Variants in SOX18 observed in about 807,000 individuals in gnomAD.
The protein encoded by SOX18 is SRY-box transcription factor 18.
SOX18 carries 2 observed loss-of-function variants against 9.1 expected under a neutral mutation model. The observed-to-expected ratio is 0.22, with a 90% CI of 0.09 to 0.69. The LOEUF (loss-of-function observed/expected upper bound fraction) is 0.69, where lower values mean the gene tolerates loss of function less well. Among genes scored for constraint, SOX18 ranks in the 30% least tolerant of loss-of-function variants. The probability of loss-of-function intolerance (pLI) is 0.80; values close to 1 mark genes in which losing one functional copy is unlikely to be tolerated. For missense variants in SOX18, 542 were observed against 567.3 expected (o/e 0.96, Z 0.45); for synonymous variants, 292 against 280.5 (o/e 1.04, Z -0.41).
In SOX18 at chr20:64,048,361, G is replaced by C; in HGVS notation, c.960C>G (p.Ala320=). The C allele has an allele frequency of 6.3e-7, 1 of 1,584,416 alleles. No homozygotes were observed. Among genetic ancestry groups the C allele is most frequent in the Non-Finnish European group, 8.6e-7 (1 of 1,167,830 alleles). The change falls in exon 2 of 2, where the codon GCC becomes GCG. Residue 320 remains alanine (A), a synonymous_variant. Transcript: ENST00000340356. ...GGTCGAACTCGGTGAGGTCCACGTC[G>C]GCCCACAGATCGGCGGCGGGCCCCA... ...EPLGPAADLW[A]DVDLTEFDQY... is the part of the protein sequence containing the mutation.
intron 1 of SOX18, 72 bp downstream of exon 1, chr20:64,049,087 C>CA: frequency 5.5e-6 from 2 of 360,658 alleles, no homozygotes; most frequent in South Asian, 6.1e-5. Context: ...GGGACCCCTG[C>CA]CCCCCCCGCC....
Position 64,049,029 on chromosome 20 carries a change from C to T in SOX18, c.359-67G>A, listed in dbSNP as rs999911551. 4.7e-6 allele frequency: 7 copies of T among 1,480,752 alleles called. No individual in the cohort carries two copies. In the African/African-American group the frequency reaches 1.0e-4, roughly 22 times the overall value. 91.7% of individuals were successfully genotyped at this position (1,480,752 alleles called of 1,614,324 possible). A position where few individuals can be genotyped will look rare whatever the true frequency, so the allele number is the denominator to read the frequency against. ...GGTGGGCGCCGAGCCCTCCGTGCGC[C>T]CGGGACGCCCCGCGAGGGTTTGGCG... On this transcript the variant is annotated intron_variant, in intron 1 of 1. Coordinates refer to ENST00000340356, the MANE Select transcript of SOX18 (RefSeq NM_018419.3).
chr20:64,049,579 T>C lies in SOX18; in HGVS notation c.-63A>G. The C allele has an allele frequency of 3.0e-6, 3 of 989,060 alleles. No individual in the cohort carries two copies. Among genetic ancestry groups the C allele is most frequent in the Middle Eastern group, 4.8e-4 (1 of 2,104 alleles). 61.3% of individuals were successfully genotyped at this position (989,060 alleles called of 1,614,324 possible). A position where few individuals can be genotyped will look rare whatever the true frequency, so the allele number is the denominator to read the frequency against. ...AGCGCGGCGGGCGGGCGGCGGGCAC[T>C]GGGGAGCCGGGCGCAAGGGCAGGCC... On this transcript the variant is annotated 5_prime_UTR_variant, in exon 1 of 2. Coordinates refer to ENST00000340356, the MANE Select transcript of SOX18 (RefSeq NM_018419.3).
In SOX18 at chr20:64,048,357, C is replaced by G; in HGVS notation, c.964G>C (p.Val322Leu). ...TACTGGTCGAACTCGGTGAGGTCCACGTCGGCCCACAGATCGGCGGCGGGC... is the reference window on the plus strand; with the variant it reads ...TACTGGTCGAACTCGGTGAGGTCCAGGTCGGCCCACAGATCGGCGGCGGGC... ...LGPAADLWADVDLTEFDQYLN... is the reference protein window; with the variant it reads ...LGPAADLWADLDLTEFDQYLN... The change falls in exon 2 of 2, where the codon GTG becomes CTG. Residue 322 changes from valine (V) to leucine (L), a missense_variant. Transcript: ENST00000340356. 1.3e-6 allele frequency: 2 copies of G among 1,585,140 alleles called. No homozygotes were observed. The highest frequency in any genetic ancestry group is 1.7e-6 in the Non-Finnish European group (2 of 1,168,088).
Position 64,049,436 on chromosome 20 carries a change from C to T in SOX18, c.81G>A (p.Gly27=). 2.0e-6 allele frequency: 2 copies of T among 1,005,278 alleles called. No homozygotes were observed. Among genetic ancestry groups the T allele is most frequent in the South Asian group, 9.0e-5 (2 of 22,198 alleles). The allele number at this position is 1,005,278 out of a possible 1,614,324, so 62.3% of individuals were successfully genotyped here. A position where few individuals can be genotyped will look rare whatever the true frequency, so the allele number is the denominator to read the frequency against. Residue 27 remains glycine (G), a synonymous_variant, in exon 1 of 2, where the codon GGG becomes GGA. Coordinates refer to ENST00000340356, the MANE Select transcript of SOX18 (RefSeq NM_018419.3). The part of the protein sequence containing the change: ...RRDCAWAPGH[G]AAADTRGLAA... The stretch of plus-strand genomic sequence containing the variant: ...CGAGGCCGCGCGTGTCAGCGGCGGC[C>T]CCGTGTCCCGGGGCCCATGCACAGT...
chr20:64,049,327 G>A lies in SOX18; in HGVS notation c.190C>T (p.Pro64Ser). Residue 64 changes from proline (P) to serine (S), a missense_variant, in exon 1 of 2, where the codon CCG (proline) becomes TCG (serine). Pro to Ser is a moderately conservative substitution (Grantham distance 74). Coordinates refer to ENST00000340356, the MANE Select transcript of SOX18 (RefSeq NM_018419.3). ...GCCGGGCTGAGGCCATAGCGCCCCGGCTCGGGGCTGCGCGGGGGACTGCGC... is the reference window on the plus strand; with the variant it reads ...GCCGGGCTGAGGCCATAGCGCCCCGACTCGGGGCTGCGCGGGGGACTGCGC... ...PQRSPPRSPE[P>S]GRYGLSPAGR... The A allele has an allele frequency of 1.4e-6, 2 of 1,392,698 alleles. No individual in the cohort carries two copies. The highest frequency in any genetic ancestry group is 1.9e-6 in the Non-Finnish European group (2 of 1,057,084). 86.3% of individuals were successfully genotyped at this position (1,392,698 alleles called of 1,614,324 possible). A position where few individuals can be genotyped will look rare whatever the true frequency, so the allele number is the denominator to read the frequency against.
Position 64,048,111 on chromosome 20 carries a change from C to T in SOX18, c.*55G>A, listed in dbSNP as rs529828654. On this transcript the variant is annotated 3_prime_UTR_variant, in exon 2 of 2. Transcript: ENST00000340356. ...CAGAGCGGCAGCGACGCGGTCGGATCGGTCGCGGGGGCTGCGGGAGGAAGC... is the reference window on the plus strand; with the variant it reads ...CAGAGCGGCAGCGACGCGGTCGGATTGGTCGCGGGGGCTGCGGGAGGAAGC... The T allele has an allele frequency of 6.1e-6, 9 of 1,478,432 alleles. No homozygotes were observed. The highest frequency in any genetic ancestry group is 7.3e-6 in the Non-Finnish European group (8 of 1,096,852). The allele number at this position is 1,478,432 out of a possible 1,614,324, so 91.6% of individuals were successfully genotyped here.
Position 64,049,277 on chromosome 20 carries a change from T to C in SOX18, c.240A>G (p.Ala80=), listed in dbSNP as rs2145417934. 1.3e-6 allele frequency: 2 copies of C among 1,507,528 alleles called. No homozygotes were observed. Among genetic ancestry groups the C allele is most frequent in the Middle Eastern group, 2.0e-4 (1 of 5,122 alleles). The allele number at this position is 1,507,528 out of a possible 1,614,324, so 93.4% of individuals were successfully genotyped here. The change falls in exon 1 of 2, where the codon GCA becomes GCG. Residue 80 remains alanine (A), a synonymous_variant. Coordinates refer to ENST00000340356, the MANE Select transcript of SOX18 (RefSeq NM_018419.3). ...TGGGCCGCCGGATGCGCGACTCGTC[T>C]GCCGCCTGGCGTTCCCCGCGGCCGG... ...SPAGRGERQA[A]DESRIRRPMN... is the part of the protein sequence containing the mutation.
rs976296449 is a variant in SOX18, at chr20:64,049,438, C to T, written c.79G>A (p.Gly27Arg). Reference sequence around the variant, plus strand: ...AGGCCGCGCGTGTCAGCGGCGGCCCCGTGTCCCGGGGCCCATGCACAGTCG... The same window carrying T: ...AGGCCGCGCGTGTCAGCGGCGGCCCTGTGTCCCGGGGCCCATGCACAGTCG... ...RRDCAWAPGH[G>R]AAADTRGLAA... Residue 27 changes from glycine (G) to arginine (R), a missense_variant, in exon 1 of 2, where the codon GGG becomes AGG. Gly to Arg is a moderately radical substitution (Grantham distance 125). Transcript: ENST00000340356. 21 of 923,190 alleles carry T rather than the reference C, an allele frequency of 2.3e-5. No individual in the cohort carries two copies. The African/African-American group carries it at 3.9e-4, about 17-fold the overall frequency. 57.2% of individuals were successfully genotyped at this position (923,190 alleles called of 1,614,324 possible). A position where few individuals can be genotyped will look rare whatever the true frequency, so the allele number is the denominator to read the frequency against.
rs1435046749 is a variant in SOX18 at position 64,048,308 on chromosome 20, G to A, written c.1013C>T (p.Pro338Leu). ...DQYLNCSRTR[P>L]DAPGLPYHVA... The stretch of plus-strand genomic sequence containing the variant: ...GTGGTACGGGAGCCCGGGGGCGTCG[G>A]GCCGAGTCCGGCTGCAGTTGAGGTA... The change falls in exon 2 of 2, where the codon CCC (proline) becomes CTC (leucine). Residue 338 changes from proline (P) to leucine (L), a missense_variant. By Grantham distance (98) the Pro-to-Leu change is moderately conservative. Transcript: ENST00000340356. 1.9e-6 allele frequency: 3 copies of A among 1,592,522 alleles called. No individual in the cohort carries two copies. Among genetic ancestry groups the A allele is most frequent in the Non-Finnish European group, 2.6e-6 (3 of 1,171,242 alleles).
Position 64,049,140 on chromosome 20 carries a change from C to T in SOX18, c.358+19G>A, listed in dbSNP as rs746973655. 13 of 1,387,032 alleles carry T rather than the reference C, an allele frequency of 9.4e-6. No individual in the cohort carries two copies. Among genetic ancestry groups the T allele is most frequent in the East Asian group, 3.4e-5 (1 of 29,588 alleles). 85.9% of individuals were successfully genotyped at this position (1,387,032 alleles called of 1,614,324 possible). On this transcript the variant is annotated intron_variant, in intron 1 of 1. Coordinates refer to ENST00000340356, the MANE Select transcript of SOX18 (RefSeq NM_018419.3). ...CCCCCCGCCCTCTCCCCCTTCTCTG[C>T]CGCCCTCCCGCCGCTCACCCAGCAT... is the stretch of plus-strand genomic sequence containing the variant.
chr20:64,048,132 G>A lies in SOX18; in HGVS notation c.*34C>T, dbSNP rs749216922. 44 of 1,523,832 alleles carry A rather than the reference G, an allele frequency of 2.9e-5. No homozygotes were observed. The highest frequency in any genetic ancestry group is 3.0e-5 in the Non-Finnish European group (34 of 1,136,570). The allele number at this position is 1,523,832 out of a possible 1,614,324, so 94.4% of individuals were successfully genotyped here. On this transcript the variant is annotated 3_prime_UTR_variant, in exon 2 of 2. Coordinates refer to ENST00000340356, the MANE Select transcript of SOX18 (RefSeq NM_018419.3). Reference sequence around the variant, plus strand: ...GGATCGGTCGCGGGGGCTGCGGGAGGAAGCGCTGCAGGGACCCGGGCGGCG... The same window carrying A: ...GGATCGGTCGCGGGGGCTGCGGGAGAAAGCGCTGCAGGGACCCGGGCGGCG...
rs889011363 is a variant in SOX18 at position 64,048,604 on chromosome 20, G to A, written c.717C>T (p.Asp239=). The A allele has an allele frequency of 2.7e-5, 34 of 1,251,078 alleles. No homozygotes were observed. The highest frequency in any genetic ancestry group is 2.2e-4 in the Admixed American group (5 of 23,120). The allele number at this position is 1,251,078 out of a possible 1,614,324, so 77.5% of individuals were successfully genotyped here. ...GCGCGCGGAAGGGCCGCAGCGCGCA[G>A]TCCTCGGGCGCCGCGGGCGGTGGGA... ...AFFPPPAAPE[D]CALRPFRAPY... The change falls in exon 2 of 2, where the codon GAC becomes GAT. Residue 239 remains aspartate (D), a synonymous_variant. Transcript: ENST00000340356.
At position 64,048,321 on chromosome 20, in the gene SOX18, T is replaced by A. The variant is rs534838641; in HGVS notation, c.1000A>T (p.Ser334Cys). 3.4e-5 allele frequency: 54 copies of A among 1,592,608 alleles called. No individual in the cohort carries two copies. Among genetic ancestry groups the A allele is most frequent in the Non-Finnish European group, 4.5e-5 (53 of 1,171,414 alleles). ...CCGGGGGCGTCGGGCCGAGTCCGGCTGCAGTTGAGGTACTGGTCGAACTCG... is the reference window on the plus strand; with the variant it reads ...CCGGGGGCGTCGGGCCGAGTCCGGCAGCAGTTGAGGTACTGGTCGAACTCG... ...LTEFDQYLNC[S>C]RTRPDAPGLP... The change falls in exon 2 of 2, where the codon AGC (serine) becomes TGC (cysteine). Residue 334 changes from serine (S) to cysteine (C), a missense_variant. Physicochemically the swap from Ser to Cys is moderately radical, Grantham distance 112. Coordinates refer to ENST00000340356, the MANE Select transcript of SOX18 (RefSeq NM_018419.3).
In SOX18 at chr20:64,048,133, A is replaced by AAGCGCTGCAGGGACCCGGGCGGC. The variant is rs753801015; in HGVS notation, c.*10_*32dup. On this transcript the variant is annotated 3_prime_UTR_variant, in exon 2 of 2. Coordinates refer to ENST00000340356, the MANE Select transcript of SOX18 (RefSeq NM_018419.3). ...GATCGGTCGCGGGGGCTGCGGGAGG[A>AAGCGCTGCAGGGACCCGGGCGGC]AGCGCTGCAGGGACCCGGGCGGCGC... 3.9e-6 allele frequency: 6 copies of AAGCGCTGCAGGGACCCGGGCGGC among 1,525,056 alleles called. No individual in the cohort carries two copies. The South Asian group carries it at 7.2e-5, about 18-fold the overall frequency. The allele number at this position is 1,525,056 out of a possible 1,614,324, so 94.5% of individuals were successfully genotyped here.
At position 64,048,220 on chromosome 20, in the gene SOX18, G is replaced by T; in HGVS notation, c.1101C>A (p.Ser367=). Reference sequence around the variant, plus strand: ...CCGCGCTGCTGGCGTCCGACAGCGCGGAGATCAGGCTGCTCTCCTCTGGGC... The same window carrying T: ...CCGCGCTGCTGGCGTCCGACAGCGCTGAGATCAGGCTGCTCTCCTCTGGGC... ...MSCPEESSLI[S]ALSDASSAVY... is the part of the protein sequence containing the mutation. The change falls in exon 2 of 2, where the codon TCC becomes TCA. Residue 367 remains serine (S), a synonymous_variant. Coordinates refer to ENST00000340356, the MANE Select transcript of SOX18 (RefSeq NM_018419.3). The T allele has an allele frequency of 6.3e-7, 1 of 1,584,412 alleles. No individual in the cohort carries two copies.
At position 64,047,880 on chromosome 20, in the gene SOX18, C is replaced by CA; in HGVS notation, c.*285_*286insT. 1 of 517,846 alleles carries CA rather than the reference C, an allele frequency of 1.9e-6. No homozygotes were observed. The highest frequency in any genetic ancestry group is 3.4e-6 in the Non-Finnish European group (1 of 291,780). 32.1% of individuals were successfully genotyped at this position (517,846 alleles called of 1,614,324 possible). On this transcript the variant is annotated 3_prime_UTR_variant, in exon 2 of 2. Coordinates refer to ENST00000340356, the MANE Select transcript of SOX18 (RefSeq NM_018419.3). ...TGCTTCAAAAATGTAACCCTGGCAA[C>CA]TCTGCCAACAGGTCCTGGGCTCGGG... is the stretch of plus-strand genomic sequence containing the variant.
In SOX18 at chr20:64,048,222, A is replaced by G; in HGVS notation, c.1099T>C (p.Ser367Pro). The G allele has an allele frequency of 6.3e-7, 1 of 1,585,832 alleles. No homozygotes were observed. The highest frequency in any genetic ancestry group is 2.3e-5 in the East Asian group (1 of 43,658). Residue 367 changes from serine to proline, a missense_variant, in exon 2 of 2, where the codon TCC becomes CCC. Transcript: ENST00000340356. ...GCGCTGCTGGCGTCCGACAGCGCGG[A>G]GATCAGGCTGCTCTCCTCTGGGCAG... ...MSCPEESSLI[S>P]ALSDASSAVY...
Position 64,049,253 on chromosome 20 carries a change from G to C in SOX18, c.264C>G (p.Pro88=). 1 of 1,529,330 alleles carries C rather than the reference G, an allele frequency of 6.5e-7. No homozygotes were observed. The highest frequency in any genetic ancestry group is 1.8e-4 in the Middle Eastern group (1 of 5,450). The allele number at this position is 1,529,330 out of a possible 1,614,324, so 94.7% of individuals were successfully genotyped here. Residue 88 remains proline, a synonymous_variant, in exon 1 of 2, where the codon CCC becomes CCG. Coordinates refer to ENST00000340356, the MANE Select transcript of SOX18 (RefSeq NM_018419.3). ...TTGCCCACACCATGAAGGCGTTCAT[G>C]GGCCGCCGGATGCGCGACTCGTCTG... The part of the protein sequence containing the change: ...QAADESRIRR[P]MNAFMVWAKD...
Sources: allele counts gnomAD v4.1 joint callset, GRCh38; gene constraint gnomAD v4.1.1; transcripts MANE v1.5; gene names NCBI Gene and HGNC (gene_info 2026-07-23, HGNC 2026-07-21).